Variants in ST6GALNAC3 observed in about 807,000 individuals in gnomAD.
The protein encoded by ST6GALNAC3 is alpha-N-acetylgalactosaminide alpha-2,6-sialyltransferase 3.
In ST6GALNAC3, 25 loss-of-function variants were observed where a neutral mutation model predicts 32.7. The ratio of observed to expected loss-of-function variants is 0.76; its 90% CI spans 0.56 to 1.07. ST6GALNAC3 has a LOEUF of 1.07. Among genes scored for constraint, ST6GALNAC3 ranks in the 50% least tolerant of loss-of-function variants. The pLI is 0.00. For missense variants in ST6GALNAC3, 355 were observed against 382.4 expected (o/e 0.93, Z 0.60); for synonymous variants, 129 against 133.1 (o/e 0.97, Z 0.21).
chr1:76,345,385 A>G (rs1648417682), intron 2 of ST6GALNAC3, among the ~76,000 whole-genome samples: 2 of 152,126 alleles, frequency 1.3e-5, no homozygotes, highest in Admixed American at 6.5e-5. Flanking sequence ...AGTAGAGAGT[A>G]AGGGGTAAGA....
intron 1 of ST6GALNAC3, among the ~76,000 whole-genome samples, chr1:76,102,340 G>T (rs1349983987): frequency 1.3e-5 from 2 of 151,830 alleles, no homozygotes; most frequent in Non-Finnish European, 2.9e-5. Flanking sequence ...TACAGCATAT[G>T]GTTGAGTTGG....
At chr1:76,251,878 T>C (rs1021527266) in intron 1 of ST6GALNAC3, among the ~76,000 whole-genome samples, 6 of 152,120 alleles carry the variant, frequency 3.9e-5, no homozygotes, top group Admixed American at 2.0e-4. Context: ...GCTTAGTGCC[T>C]CACTCAGAAG....
At chr1:76,288,213 C>T (rs117449517) in intron 1 of ST6GALNAC3, among the ~76,000 whole-genome samples, 5 of 152,328 alleles carry the variant, frequency 3.3e-5, no homozygotes, top group East Asian at 1.9e-4. Context: ...AAAATCACAG[C>T]GGAAGCTTGG....
chr1:76,503,292 T>G (rs1661287783), intron 3 of ST6GALNAC3, among the ~76,000 whole-genome samples: 1 of 152,210 alleles, frequency 6.6e-6, no homozygotes, highest in Non-Finnish European at 1.5e-5. Flanking sequence ...CCTACAAACT[T>G]GCATCCTGAC....
intron 3 of ST6GALNAC3, among the ~76,000 whole-genome samples, chr1:76,588,013 G>A (rs1646988387): frequency 6.6e-6 from 1 of 152,132 alleles, no homozygotes. Flanking sequence ...TGGGAAACAG[G>A]GATGATGAAC....
chr1:76,446,447 A>C (rs1339612728), intron 3 of ST6GALNAC3, among the ~76,000 whole-genome samples: 3 of 152,188 alleles, frequency 2.0e-5, no homozygotes, highest in Non-Finnish European at 2.9e-5. Flanking sequence ...CATCATAAAG[A>C]GTAGTTTCAT....
At chr1:76,367,889 C>A (rs963908129) in intron 2 of ST6GALNAC3, among the ~76,000 whole-genome samples, 12 of 152,156 alleles carry the variant, frequency 7.9e-5, no homozygotes. Context: ...AATGTAAAAA[C>A]ATGCTACAAA....
chr1:76,602,241 G>A (rs1647268632), intron 3 of ST6GALNAC3, among the ~76,000 whole-genome samples: 1 of 152,132 alleles, frequency 6.6e-6, no homozygotes, highest in Non-Finnish European at 1.5e-5. Flanking sequence ...GTTACGAATG[G>A]GGAATGTGTC....
At position 76,353,107 on chromosome 1, in the gene ST6GALNAC3, T is replaced by C. The variant is rs79002064; in HGVS notation, c.213+39108T>C. On this transcript the variant is annotated intron_variant, in intron 2 of 4. Transcript: ENST00000328299. ...ACTCCACTCCCCTTCTTAAATTCTT[T>C]ATTGGGCTTTCACTGCAGTCAGAAT... Among the ~76,000 whole-genome samples, 469 of 152,314 alleles carry C rather than the reference T, an allele frequency of 3.1e-3. 3 individuals are homozygous for C. Among genetic ancestry groups the C allele is most frequent in the African/African-American group, 0.01 (432 of 41,574 alleles).
At chr1:76,198,967 A>G (rs1006420550) in intron 1 of ST6GALNAC3, among the ~76,000 whole-genome samples, 65 of 152,152 alleles carry the variant, frequency 4.3e-4, no homozygotes, top group African/African-American at 1.4e-3. Flanking sequence ...GATCATGGCA[A>G]GAGGTGGAGG....
intron 3 of ST6GALNAC3, among the ~76,000 whole-genome samples, chr1:76,499,945 C>T (rs1168338531): frequency 1.3e-5 from 2 of 151,930 alleles, no homozygotes; most frequent in Non-Finnish European, 1.5e-5. Context: ...GAATACTATG[C>T]GATCCTTAAG....
intron 2 of ST6GALNAC3, among the ~76,000 whole-genome samples, chr1:76,351,084 T>C (rs1648937877): frequency 6.6e-6 from 1 of 152,296 alleles, no homozygotes; most frequent in East Asian, 1.9e-4. Flanking sequence ...AGAGATTAAT[T>C]TACTAGAATT....
intron 3 of ST6GALNAC3, among the ~76,000 whole-genome samples, chr1:76,602,236 G>T (rs545244498): frequency 6.6e-6 from 1 of 152,116 alleles, no homozygotes. Context: ...CCTGAGTTAC[G>T]AATGGGGAAT....
intron 1 of ST6GALNAC3, among the ~76,000 whole-genome samples, chr1:76,192,271 C>G (rs1653942325): frequency 6.6e-6 from 1 of 152,108 alleles, no homozygotes; most frequent in Admixed American, 6.6e-5. Context: ...ATCCATTATC[C>G]TCATGTGAGA....
intron 1 of ST6GALNAC3, among the ~76,000 whole-genome samples, chr1:76,175,273 G>C (rs1652778017): frequency 6.6e-6 from 1 of 152,092 alleles, no homozygotes; most frequent in Non-Finnish European, 1.5e-5. Context: ...ACTGCCTCCA[G>C]GAGTTTTTTG....
intron 1 of ST6GALNAC3, among the ~76,000 whole-genome samples, chr1:76,168,452 G>A (rs1204690223): frequency 6.6e-6 from 1 of 151,964 alleles, no homozygotes; most frequent in Non-Finnish European, 1.5e-5. Context: ...AATTGTTTTT[G>A]TGTGGAGAGT....
chr1:76,306,237 T>C (rs1039036280), intron 1 of ST6GALNAC3, among the ~76,000 whole-genome samples: 2 of 152,042 alleles, frequency 1.3e-5, no homozygotes, highest in African/African-American at 4.8e-5. Flanking sequence ...AATAAAGCAA[T>C]TATTCTTCCA....
At chr1:76,178,318 G>A (rs1652970933) in intron 1 of ST6GALNAC3, among the ~76,000 whole-genome samples, 1 of 152,190 alleles carries the variant, frequency 6.6e-6, no homozygotes, top group Non-Finnish European at 1.5e-5. Context: ...CCAAGGGCAT[G>A]GAGTAATTTC....
At chr1:76,519,838 G>A (rs1662401845) in intron 3 of ST6GALNAC3, among the ~76,000 whole-genome samples, 1 of 151,484 alleles carries the variant, frequency 6.6e-6, no homozygotes. Context: ...ATAGCAGCCA[G>A]TTGCTTTTAT....
Sources: gnomAD v4.1 joint callset for allele counts (sites outside exome capture counted in the v4.1 genomes callset) on GRCh38, gnomAD v4.1.1 for gene constraint, MANE v1.5 for transcripts, NCBI Gene and HGNC (gene_info 2026-07-23, HGNC 2026-07-21) for gene names.